USP24: variants seen among roughly 807,000 people sequenced by gnomAD.
USP24 encodes ubiquitin carboxyl-terminal hydrolase 24.
A neutral mutation model predicts 361.6 loss-of-function variants in USP24; 97 were observed. The ratio of observed to expected loss-of-function variants is 0.27; its 90% CI spans 0.23 to 0.32. The LOEUF (loss-of-function observed/expected upper bound fraction) is 0.32. USP24 is among the 10% of genes least tolerant of loss of function. The probability of loss-of-function intolerance (pLI) is 1.00; values close to 1 mark genes in which losing one functional copy is unlikely to be tolerated. For synonymous variants in USP24, 1,098 were observed against 1,124.6 expected (o/e 0.98, Z 0.47); for missense variants, 2,353 against 3,165.6 (o/e 0.74, Z 6.16).
At chr1:55,117,713 G>C (rs1374370456) in intron 38 of USP24, among the ~76,000 whole-genome samples, 1 of 143,680 alleles carries the variant, frequency 7.0e-6, no homozygotes, top group Non-Finnish European at 1.5e-5. Flanking sequence ...TCCGCAGTCC[G>C]GCCTGGGCGA....
intron 23 of USP24, 149 bp from the exon 24 acceptor site, chr1:55,141,880 G>C: frequency 1.4e-6 from 1 of 699,794 alleles, no homozygotes; most frequent in Non-Finnish European, 2.4e-6. Flanking sequence ...TACCTACTTA[G>C]GGACCAGTAG....
At chr1:55,112,807 C>A (rs554026593) in intron 38 of USP24, among the ~76,000 whole-genome samples, 6 of 152,198 alleles carry the variant, frequency 3.9e-5, no homozygotes, top group Admixed American at 3.3e-4. Context: ...GAGTTCAAGT[C>A]CTGAATATCC....
At position 55,139,028 on chromosome 1, in the gene USP24, A is replaced by G. The variant is rs1346975563; in HGVS notation, c.2751-18T>C. On this transcript the variant is annotated intron_variant, in intron 24 of 67. Transcript: ENST00000294383. Reference sequence around the variant, plus strand: ...TAGTAGATCTATAGATTAAAAAAAAAAAGTATTAAAATGTATTTGAAGTGT... The same window carrying G: ...TAGTAGATCTATAGATTAAAAAAAAGAAGTATTAAAATGTATTTGAAGTGT... 5.7e-6 allele frequency: 9 copies of G among 1,582,808 alleles called. No homozygotes were observed. The highest frequency in any genetic ancestry group is 7.7e-6 in the Non-Finnish European group (9 of 1,162,970).
intron 1 of USP24, among the ~76,000 whole-genome samples, chr1:55,185,114 A>G (rs896646459): frequency 1.3e-4 from 20 of 151,746 alleles, no homozygotes; most frequent in Admixed American, 3.9e-4. Context: ...GCATACCACC[A>G]TGCCTGACTA....
chr1:55,170,609 C>G (rs1318365809), intron 5 of USP24, among the ~76,000 whole-genome samples: 1 of 152,094 alleles, frequency 6.6e-6, no homozygotes, highest in Non-Finnish European at 1.5e-5. Context: ...AAAAATAGTA[C>G]CCAACTCAAA....
At chr1:55,118,594 T>C (rs1003525089) in intron 38 of USP24, among the ~76,000 whole-genome samples, 28 of 151,822 alleles carry the variant, frequency 1.8e-4, no homozygotes, top group Non-Finnish European at 2.4e-4. Flanking sequence ...AAAGAGAAAA[T>C]ACATACACAG....
chr1:55,128,893 T>C (rs532981566), intron 32 of USP24, among the ~76,000 whole-genome samples: 46 of 152,054 alleles, frequency 3.0e-4, no homozygotes, highest in Non-Finnish European at 5.4e-4. Flanking sequence ...TTTTTATTTT[T>C]ATTTTTAGTA....
chr1:55,119,642 T>C (rs1646222696), intron 38 of USP24, among the ~76,000 whole-genome samples: 1 of 152,132 alleles, frequency 6.6e-6, no homozygotes. Flanking sequence ...TTTACATTCA[T>C]TGCCCCTTTT....
intron 24 of USP24, among the ~76,000 whole-genome samples, chr1:55,141,036 T>G (rs184027549): frequency 1.8e-4 from 28 of 152,238 alleles, no homozygotes. Flanking sequence ...ACACAAACAT[T>G]TGGGGATAAA....
intron 67 of USP24, 142 bp downstream of exon 67, chr1:55,071,672 A>C: frequency 9.5e-7 from 1 of 1,053,594 alleles, no homozygotes. Flanking sequence ...CTGAGCTGAG[A>C]TCACTAGAGG....
At chr1:55,106,684 A>G (rs1387327620) in intron 40 of USP24, among the ~76,000 whole-genome samples, 2 of 152,238 alleles carry the variant, frequency 1.3e-5, no homozygotes. Flanking sequence ...TCTCTGGTTA[A>G]GAATCACTCT....
chr1:55,177,873 A>G, intron 2 of USP24, 94 bp downstream of exon 2: 1 of 1,228,444 alleles, frequency 8.1e-7, no homozygotes, highest in Non-Finnish European at 1.1e-6. Flanking sequence ...GATCTGTCCA[A>G]TAACACACAG....
At chr1:55,121,547 T>C (rs1646281421) in intron 36 of USP24, 41 bp from the exon 37 acceptor site, 13 of 1,545,668 alleles carry the variant, frequency 8.4e-6, no homozygotes, top group Non-Finnish European at 1.2e-5. Context: ...GTGAAACAAG[T>C]TAGGTAATGC....
In USP24 at chr1:55,074,679, T is replaced by A. The variant is rs996440366; in HGVS notation, c.7448-773A>T. Among the ~76,000 whole-genome samples the A allele has an allele frequency of 4.0e-5, 5 of 125,078 alleles. No individual in the cohort carries two copies. The East Asian group carries it at 7.7e-4, about 19-fold the overall frequency. 82.1% of individuals were successfully genotyped at this position (125,078 alleles called of 152,430 possible). ...ATAAATAAATAAATAAATAAATAAATAAAAATAAAAAATAATACTTGGTCC... is the reference window on the plus strand; with the variant it reads ...ATAAATAAATAAATAAATAAATAAAAAAAAATAAAAAATAATACTTGGTCC... On this transcript the variant is annotated intron_variant, in intron 63 of 67. Coordinates refer to ENST00000294383, the MANE Select transcript of USP24 (RefSeq NM_015306.3).
chr1:55,101,991 TAA>T (rs1326643450), intron 42 of USP24, among the ~76,000 whole-genome samples: 2 of 152,190 alleles, frequency 1.3e-5, no homozygotes, highest in Non-Finnish European at 2.9e-5. Flanking sequence ...AAATATTGAT[TAA>T]ATACCCTTCT....
At chr1:55,179,464 TCTC>T (rs1178244066) in intron 1 of USP24, among the ~76,000 whole-genome samples, 1 of 152,178 alleles carries the variant, frequency 6.6e-6, no homozygotes, top group Non-Finnish European at 1.5e-5. Flanking sequence ...AGCTTAGACT[TCTC>T]CTCTGAGCTT....
At chr1:55,212,450 A>G (rs1420295094) in intron 1 of USP24, among the ~76,000 whole-genome samples, 1 of 152,086 alleles carries the variant, frequency 6.6e-6, no homozygotes, top group Non-Finnish European at 1.5e-5. Context: ...TATCCCTAAA[A>G]AGCCTACGTT....
At chr1:55,116,478 G>A (rs1284896227) in intron 38 of USP24, among the ~76,000 whole-genome samples, 1 of 151,912 alleles carries the variant, frequency 6.6e-6, no homozygotes, top group Non-Finnish European at 1.5e-5. Flanking sequence ...AGAAATGAAA[G>A]TGGGTACATA....
chr1:55,149,891 CACTA>C (rs530624515), intron 16 of USP24, among the ~76,000 whole-genome samples: 3 of 152,168 alleles, frequency 2.0e-5, no homozygotes, highest in South Asian at 2.1e-4. Flanking sequence ...TATAATGCAA[CACTA>C]ACTAACCAGT....
Sources: allele counts gnomAD v4.1 joint callset (sites outside exome capture counted in the v4.1 genomes callset), GRCh38; gene constraint gnomAD v4.1.1; transcripts MANE v1.5; gene names NCBI Gene and HGNC (gene_info 2026-07-23, HGNC 2026-07-21).